Variants in MYO19 observed in about 807,000 individuals in gnomAD.
MYO19 encodes the protein unconventional myosin-XIX.
Under a neutral mutation model 129.2 loss-of-function variants are expected in MYO19, and 132 were observed. The observed-to-expected ratio is 1.02, with a 90% CI of 0.89 to 1.18. The LOEUF is 1.18. Ranked by LOEUF, MYO19 falls within the 50% of genes most tolerant of loss-of-function variation. The pLI, the probability that MYO19 is intolerant of heterozygous loss-of-function variation, is 0.00. For synonymous variants in MYO19, 531 were observed against 477.2 expected (o/e 1.11, Z -1.47); for missense variants, 1,210 against 1,216.7 (o/e 0.99, Z 0.08).
intron 6 of MYO19, among the ~76,000 whole-genome samples, chr17:36,517,039 G>A (rs936276622): frequency 1.3e-5 from 2 of 151,994 alleles, no homozygotes; most frequent in Non-Finnish European, 2.9e-5. Context: ...AGAAATAGGG[G>A]CTATTCAGGT....
At chr17:36,537,118 TGAAG>T, upstream of MYO19, 1 of 1,591,682 alleles carries the variant, frequency 6.3e-7, no homozygotes, top group Non-Finnish European at 8.5e-7. Flanking sequence ...GAAAAGCAGA[TGAAG>T]GAAGCTTTTG....
At position 36,505,413 on chromosome 17, in the gene MYO19, G is replaced by T; in HGVS notation, c.1798-9C>A. 1 of 1,611,250 alleles carries T rather than the reference G, an allele frequency of 6.2e-7. No homozygotes were observed. Among genetic ancestry groups the T allele is most frequent in the Non-Finnish European group, 8.5e-7 (1 of 1,177,590 alleles). ...AGCTGCTCCAGTGAGGCCTGCAGATGAGAGACCATGGGGTTAGGCAGGGAG... is the reference window on the plus strand; with the variant it reads ...AGCTGCTCCAGTGAGGCCTGCAGATTAGAGACCATGGGGTTAGGCAGGGAG... On this transcript the variant is annotated splice_polypyrimidine_tract_variant and intron_variant, in intron 18 of 25. Transcript: ENST00000614623.
At position 36,498,508 on chromosome 17, in the gene MYO19, G is replaced by A; in HGVS notation, c.2515C>T (p.His839Tyr). Residue 839 changes from histidine to tyrosine, a missense_variant, in exon 25 of 26, where the codon CAC becomes TAC. His to Tyr is a moderately conservative substitution (Grantham distance 83). Transcript: ENST00000614623. ...AKELDGVEEK[H>Y]FSQAPCSLST... ...AGGGAACAGGGAGCTTGAGAGAAGT[G>A]TTTTTCTTCCACACCATCCAGCTCT... The A allele has an allele frequency of 6.2e-7, 1 of 1,614,040 alleles. No homozygotes were observed. The highest frequency in any genetic ancestry group is 8.5e-7 in the Non-Finnish European group (1 of 1,179,886).
intron 3 of MYO19, among the ~76,000 whole-genome samples, chr17:36,531,804 A>G (rs551393649): frequency 6.6e-6 from 1 of 152,266 alleles, no homozygotes; most frequent in East Asian, 1.9e-4. Flanking sequence ...AGACTCCACT[A>G]GACTCTGAGC....
At chr17:36,533,808 C>T (rs900033645) in intron 2 of MYO19, 145 bp downstream of exon 2, 6 of 152,368 alleles carry the variant, frequency 3.9e-5, no homozygotes, top group Middle Eastern at 3.4e-3. Flanking sequence ...AGGGGCAGCA[C>T]AACAGGTTTG....
intron 1 of MYO19, chr17:36,534,330 A>G (rs2073999865): frequency 6.6e-6 from 1 of 152,212 alleles, no homozygotes; most frequent in Non-Finnish European, 1.5e-5. Flanking sequence ...TCGTGCCGCA[A>G]ACCCAGGGCT....
intron 6 of MYO19, among the ~76,000 whole-genome samples, chr17:36,522,004 C>T (rs1013126716): frequency 7.8e-6 from 1 of 128,952 alleles, no homozygotes; most frequent in Admixed American, 9.6e-5. Context: ...GCACTCCAGC[C>T]TGGCAACAGA....
chr17:36,515,172 ACACG>A lies in MYO19; in HGVS notation c.554_557del (p.Ala185ValfsTer3). The A allele has an allele frequency of 6.2e-7, 1 of 1,612,836 alleles. No homozygotes were observed. The highest frequency in any genetic ancestry group is 8.5e-7 in the Non-Finnish European group (1 of 1,179,456). On this transcript the variant is annotated frameshift_variant, in exon 8 of 26. Coordinates refer to ENST00000614623, the MANE Select transcript of MYO19 (RefSeq NM_001163735.2). LOFTEE classifies it high-confidence loss of function. ...GACTGCTGTTGTTATTCCTCAGTGTACACGCATTCCCTACAGATCACACCTATGT... is the reference window on the plus strand; with the variant it reads ...GACTGCTGTTGTTATTCCTCAGTGTACATTCCCTACAGATCACACCTATGT...
intron 18 of MYO19, 136 bp downstream of exon 18, chr17:36,506,320 C>T: frequency 1.9e-6 from 2 of 1,044,862 alleles, no homozygotes; most frequent in Non-Finnish European, 2.9e-6. Context: ...GTATAAACTC[C>T]AGGGGACTGG....
chr17:36,513,570 G>A (rs1331751339), intron 10 of MYO19, 59 bp downstream of exon 10: 1 of 1,613,726 alleles, frequency 6.2e-7, no homozygotes. Context: ...GGCAGGCTCT[G>A]TACAGAGTGG....
At chr17:36,511,519 G>A in intron 11 of MYO19, 64 bp from the exon 12 acceptor site, 1 of 1,434,602 alleles carries the variant, frequency 7.0e-7, no homozygotes, top group Non-Finnish European at 9.6e-7. Flanking sequence ...CTCTGGGAAG[G>A]GCCGTTCTGC....
At chr17:36,537,038 A>G (rs2074149064), upstream of MYO19, 2 of 1,439,762 alleles carry the variant, frequency 1.4e-6, no homozygotes, top group African/African-American at 1.4e-5. Flanking sequence ...CAGGTATGCT[A>G]ATTACACAAG....
intron 5 of MYO19, among the ~76,000 whole-genome samples, chr17:36,525,969 T>A (rs567411058): frequency 6.6e-6 from 1 of 152,296 alleles, no homozygotes; most frequent in East Asian, 1.9e-4. Flanking sequence ...TGCCCCTGGA[T>A]TCCAACTGGA....
At position 36,501,171 on chromosome 17, in the gene MYO19, CAG is replaced by C. The variant is rs780917868; in HGVS notation, c.2143_2144del (p.Leu715AlafsTer12). The stretch of plus-strand genomic sequence containing the variant: ...TGGCTGCTGCCTGAGTTAGGACCGG[CAG>C]AGTGTGGAGAATGTCCTGGATGAGA... ...EPLIQDILHT[L>X]PVLTQAAAIT... On this transcript the variant is annotated frameshift_variant, in exon 22 of 26. Coordinates refer to ENST00000614623, the MANE Select transcript of MYO19 (RefSeq NM_001163735.2). LOFTEE classifies it high-confidence loss of function. 1.2e-6 allele frequency: 2 copies of C among 1,614,010 alleles called. No individual in the cohort carries two copies. The highest frequency in any genetic ancestry group is 1.6e-4 in the Middle Eastern group (1 of 6,062).
chr17:36,538,152 T>C (rs2074169061), upstream of MYO19: 3 of 1,614,096 alleles, frequency 1.9e-6, no homozygotes, highest in Non-Finnish European at 2.5e-6. Flanking sequence ...TATTAGCCTC[T>C]TCATATCTCT....
chr17:36,527,435 C>T, intron 5 of MYO19, 116 bp downstream of exon 5: 1 of 1,225,290 alleles, frequency 8.2e-7, no homozygotes, highest in Non-Finnish European at 1.1e-6. Flanking sequence ...GTGGCACTAG[C>T]AGACTCTGAA....
Position 36,514,619 on chromosome 17 carries a change from T to C in MYO19, c.618-71A>G. ...ATAGCCATGTCTGGCAATCTGGGTGTGCCAGATTGCCTGCTACCTGGCAAC... is the reference window on the plus strand; with the variant it reads ...ATAGCCATGTCTGGCAATCTGGGTGCGCCAGATTGCCTGCTACCTGGCAAC... On this transcript the variant is annotated intron_variant, in intron 8 of 25. Coordinates refer to ENST00000614623, the MANE Select transcript of MYO19 (RefSeq NM_001163735.2). 8.9e-6 allele frequency: 9 copies of C among 1,016,298 alleles called. No homozygotes were observed. In the South Asian group the frequency reaches 1.2e-4, roughly 14 times the overall value. The allele number at this position is 1,016,298 out of a possible 1,614,324, so 63.0% of individuals were successfully genotyped here.
Position 36,498,345 on chromosome 17 carries a change from G to A in MYO19, c.2678C>T (p.Pro893Leu), listed in dbSNP as rs746023508. Residue 893 changes from proline to leucine, a missense_variant, in exon 25 of 26, where the codon CCC (proline) becomes CTC (leucine). Coordinates refer to ENST00000614623, the MANE Select transcript of MYO19 (RefSeq NM_001163735.2). ...KLVVWACLQL[P>L]RGSPSSYTVQ... ...AGTGTAGCTACTGGGGCTGCCCCTGGGGAGCTGGAGGCAAGCCCAGACCAC... is the reference window on the plus strand; with the variant it reads ...AGTGTAGCTACTGGGGCTGCCCCTGAGGAGCTGGAGGCAAGCCCAGACCAC... 3 of 1,613,996 alleles carry A rather than the reference G, an allele frequency of 1.9e-6. No homozygotes were observed. The highest frequency in any genetic ancestry group is 2.5e-6 in the Non-Finnish European group (3 of 1,179,896).
intron 6 of MYO19, 22 bp from the exon 7 acceptor site, chr17:36,516,012 G>C: frequency 1.9e-6 from 3 of 1,599,056 alleles, no homozygotes; most frequent in African/African-American, 1.3e-5. Flanking sequence ...ACAGCCCTGT[G>C]GGAGCTGTAT....
Sources: allele counts gnomAD v4.1 joint callset (sites outside exome capture counted in the v4.1 genomes callset), GRCh38; gene constraint gnomAD v4.1.1; transcripts MANE v1.5; gene names NCBI Gene and HGNC (gene_info 2026-07-23, HGNC 2026-07-21).